CDHR1: variants seen among roughly 807,000 people sequenced by gnomAD.
CDHR1 encodes cadherin related family member 1, also known as cadherin-related family member 1.
Under a neutral mutation model 72.1 loss-of-function variants are expected in CDHR1, and 61 were observed. That is an observed-to-expected ratio of 0.85 (90% CI 0.69 to 1.05). The LOEUF (loss-of-function observed/expected upper bound fraction) is 1.05. Among genes scored for constraint, CDHR1 ranks in the 50% least tolerant of loss-of-function variants. The pLI is 0.00. For missense variants in CDHR1, 1,186 were observed against 1,115.7 expected (o/e 1.06, Z -0.90); for synonymous variants, 470 against 448.1 (o/e 1.05, Z -0.62).
intron 15 of CDHR1, chr10:84,212,776 T>G: frequency 1.9e-6 from 1 of 531,284 alleles, no homozygotes; most frequent in Non-Finnish European, 3.4e-6. Context: ...TGACTCCCTT[T>G]CTTATACCTC....
chr10:84,203,675 G>A (rs7086044), intron 8 of CDHR1, among the ~76,000 whole-genome samples: 3,956 of 152,250 alleles, frequency 0.026, 160 homozygotes, highest in African/African-American at 0.088. Flanking sequence ...CTTGGCCTCC[G>A]AAAGTGCTGA....
At chr10:84,211,264 C>T in intron 13 of CDHR1, 99 bp downstream of exon 13, 2 of 1,280,548 alleles carry the variant, frequency 1.6e-6, no homozygotes, top group South Asian at 1.3e-5. Flanking sequence ...AGAACCCACA[C>T]TCATTAGCTG....
chr10:84,209,514 T>G (rs1471822363), intron 12 of CDHR1, among the ~76,000 whole-genome samples: 1 of 151,984 alleles, frequency 6.6e-6, no homozygotes, highest in Non-Finnish European at 1.5e-5. Flanking sequence ...TTAACACAAT[T>G]CCTGAAATAA....
At chr10:84,209,507 A>G (rs1842290188) in intron 12 of CDHR1, among the ~76,000 whole-genome samples, 1 of 152,176 alleles carries the variant, frequency 6.6e-6, no homozygotes, top group South Asian at 2.1e-4. Context: ...CTACTATTTA[A>G]CACAATTCCT....
intron 8 of CDHR1, 136 bp from the exon 9 acceptor site, chr10:84,204,391 A>G: frequency 4.3e-6 from 3 of 701,680 alleles, no homozygotes; most frequent in Non-Finnish European, 7.9e-6. Context: ...GAGTAGGGCC[A>G]TGCTCCACCG....
chr10:84,201,142 G>T (rs540922185), intron 6 of CDHR1, among the ~76,000 whole-genome samples: 1 of 152,326 alleles, frequency 6.6e-6, no homozygotes, highest in African/African-American at 2.4e-5. Context: ...GACCTTCAGC[G>T]CGTTATCTAA....
At chr10:84,212,913 G>A (rs974042954) in intron 15 of CDHR1, 178 bp from the exon 16 acceptor site, 19 of 762,018 alleles carry the variant, frequency 2.5e-5, no homozygotes, top group Admixed American at 2.1e-4. Flanking sequence ...TAAGACCTAC[G>A]TAAACCCTGG....
rs1186941183 is a variant in CDHR1 at position 84,216,974 on chromosome 10, G to C, written c.*2353G>C. ...GGCTTGCAAGTGGATCCGGGACCGAGGGTGGTCTCTTGGACAACCCCAGGA... is the reference window on the plus strand; with the variant it reads ...GGCTTGCAAGTGGATCCGGGACCGACGGTGGTCTCTTGGACAACCCCAGGA... On this transcript the variant is annotated 3_prime_UTR_variant, in exon 17 of 17. Coordinates refer to ENST00000623527, the MANE Select transcript of CDHR1 (RefSeq NM_033100.4). The C allele has an allele frequency of 1.0e-6, 1 of 985,472 alleles. No homozygotes were observed. The highest frequency in any genetic ancestry group is 1.7e-5 in the African/African-American group (1 of 57,358). 61.0% of individuals were successfully genotyped at this position (985,472 alleles called of 1,614,324 possible).
intron 2 of CDHR1, 41 bp downstream of exon 2, chr10:84,195,630 G>T (rs1840131860): frequency 6.5e-7 from 1 of 1,542,256 alleles, no homozygotes. Flanking sequence ...GTCTCCCTGA[G>T]GGGTGCAGGC....
Position 84,199,457 on chromosome 10 carries a change from G to C in CDHR1, c.438+336G>C, listed in dbSNP as rs117736848. ...ATAGAGTTTTGTTTTGTTTTTTTCTGTTTGTTTGGCATAGTTGTGATTATA... is the reference window on the plus strand; with the variant it reads ...ATAGAGTTTTGTTTTGTTTTTTTCTCTTTGTTTGGCATAGTTGTGATTATA... On this transcript the variant is annotated intron_variant, in intron 5 of 16. Coordinates refer to ENST00000623527, the MANE Select transcript of CDHR1 (RefSeq NM_033100.4). 9.8e-3 allele frequency among the ~76,000 whole-genome samples: 1,495 copies of C among 152,026 alleles called. 36 individuals carry two copies. Among genetic ancestry groups the C allele is most frequent in the East Asian group, 0.064 (332 of 5,172 alleles).
In CDHR1 at chr10:84,200,585, G is replaced by A. The variant is rs779486524; in HGVS notation, c.439-16G>A. 1.9e-6 allele frequency: 3 copies of A among 1,591,120 alleles called. No individual in the cohort carries two copies. The highest frequency in any genetic ancestry group is 2.7e-5 in the African/African-American group (2 of 74,506). ...TCACTGTCTCTGACCCTCCCCTGTG[G>A]CTGTGACCCCCTCAGGACATACCTG... On this transcript the variant is annotated splice_polypyrimidine_tract_variant and intron_variant, in intron 5 of 16. Transcript: ENST00000623527.
rs143024855 is a variant in CDHR1, at chr10:84,213,185, C to T, written c.1877C>T (p.Thr626Met). The change falls in exon 16 of 17, where the codon ACG becomes ATG. Residue 626 changes from threonine to methionine, a missense_variant. Physicochemically the swap from Thr to Met is moderately conservative, Grantham distance 81. Coordinates refer to ENST00000623527, the MANE Select transcript of CDHR1 (RefSeq NM_033100.4). ...PANVFDINSH[T>M]GEIWLKNSIR... ...AACGTGTTCGACATCAATTCCCACA[C>T]GGGGGAGATCTGGCTCAAGAATTCC... The T allele has an allele frequency of 5.5e-5, 88 of 1,614,130 alleles. No individual in the cohort carries two copies. The highest frequency in any genetic ancestry group is 1.1e-4 in the East Asian group (5 of 44,902).
At chr10:84,197,981 C>T (rs1398620514) in intron 4 of CDHR1, 145 bp downstream of exon 4, 2 of 766,492 alleles carry the variant, frequency 2.6e-6, no homozygotes, top group African/African-American at 1.7e-5. Context: ...CCAAAGTGCC[C>T]ACAGGAGAGG....
At chr10:84,219,201 C>T (rs561787050), downstream of CDHR1, 45 of 1,550,784 alleles carry the variant, frequency 2.9e-5, no homozygotes, top group African/African-American at 4.1e-4. Context: ...ATCCCCACTG[C>T]GAAATTGCCT....
In CDHR1 at chr10:84,197,806, C is replaced by T. The variant is rs763109043; in HGVS notation, c.318C>T (p.Ala106=). The change falls in exon 4 of 17, where the codon GCC becomes GCT. Residue 106 remains alanine, a synonymous_variant. Transcript: ENST00000623527. ...CACAGAGGGAAGATGAGATTGAAGC[C>T]ATCATCAGCATTTCTGATGGCCTGA... is the stretch of plus-strand genomic sequence containing the variant. ...LDREREDEIE[A]IISISDGLNL... 1 of 1,614,038 alleles carries T rather than the reference C, an allele frequency of 6.2e-7. No homozygotes were observed. The highest frequency in any genetic ancestry group is 8.5e-7 in the Non-Finnish European group (1 of 1,179,956).
In CDHR1 at chr10:84,218,202, C is replaced by G; in HGVS notation, c.*3581C>G. 1.0e-6 allele frequency: 1 copy of G among 985,382 alleles called. No individual in the cohort carries two copies. Among genetic ancestry groups the G allele is most frequent in the South Asian group, 4.7e-5 (1 of 21,268 alleles). 61.0% of individuals were successfully genotyped at this position (985,382 alleles called of 1,614,324 possible). On this transcript the variant is annotated 3_prime_UTR_variant, in exon 17 of 17. Transcript: ENST00000623527. Reference sequence around the variant, plus strand: ...GACTGGCATGTGCCACATGGAGGACCCCTTAGGAAACTCACAAACAACCTA... The same window carrying G: ...GACTGGCATGTGCCACATGGAGGACGCCTTAGGAAACTCACAAACAACCTA...
chr10:84,200,094 C>T (rs1842095938), intron 5 of CDHR1, among the ~76,000 whole-genome samples: 1 of 151,564 alleles, frequency 6.6e-6, no homozygotes, highest in African/African-American at 2.4e-5. Flanking sequence ...CGCTTGAACC[C>T]AGGAGGCAGA....
chr10:84,217,594 T>A lies in CDHR1; in HGVS notation c.*2973T>A. On this transcript the variant is annotated 3_prime_UTR_variant, in exon 17 of 17. Transcript: ENST00000623527. ...AAAGATCTAATATATGTAAAGTGCC[T>A]AGCACCGGCTTTGTATCTACTTACA... 1.0e-6 allele frequency: 1 copy of A among 985,398 alleles called. No individual in the cohort carries two copies. The allele number at this position is 985,398 out of a possible 1,614,324, so 61.0% of individuals were successfully genotyped here.
chr10:84,195,675 A>G (rs1222381966), intron 2 of CDHR1, 86 bp downstream of exon 2: 28 of 1,183,896 alleles, frequency 2.4e-5, no homozygotes, highest in Non-Finnish European at 3.2e-5. Context: ...GGCACCACCC[A>G]AGTTGCTGCG....
Sources: gnomAD v4.1 joint callset for allele counts (sites outside exome capture counted in the v4.1 genomes callset) on GRCh38, gnomAD v4.1.1 for gene constraint, MANE v1.5 for transcripts, NCBI Gene and HGNC (gene_info 2026-07-23, HGNC 2026-07-21) for gene names.